Variants in BRINP3 observed in about 807,000 individuals in gnomAD.
BRINP3 encodes the protein BMP/retinoic acid-inducible neural-specific protein 3.
A neutral mutation model predicts 71.0 loss-of-function variants in BRINP3; 19 were observed. That is an observed-to-expected ratio of 0.27 (90% CI 0.19 to 0.39). BRINP3 has a LOEUF of 0.39. Among genes scored for constraint, BRINP3 ranks in the 10% least tolerant of loss-of-function variants. The pLI is 1.00. For missense variants in BRINP3, 959 were observed against 940.8 expected (o/e 1.02, Z -0.25); for synonymous variants, 380 against 337.7 (o/e 1.13, Z -1.37).
chr1:190,235,784 A>G (rs1658458153), intron 4 of BRINP3, among the ~76,000 whole-genome samples: 1 of 151,988 alleles, frequency 6.6e-6, no homozygotes, highest in Non-Finnish European at 1.5e-5. Context: ...CTTAAAGTGA[A>G]TACCCCAAAC....
chr1:190,240,872 C>CAA (rs71123078), intron 4 of BRINP3, among the ~76,000 whole-genome samples: 1,205 of 38,258 alleles, frequency 0.031, 215 homozygotes, highest in African/African-American at 0.12. Flanking sequence ...AACTCTGTCT[C>CAA]AAAAAAAAAA....
At chr1:190,341,703 C>G (rs1389748110) in intron 2 of BRINP3, among the ~76,000 whole-genome samples, 1 of 151,472 alleles carries the variant, frequency 6.6e-6, no homozygotes, top group Non-Finnish European at 1.5e-5. Context: ...GCAGAAATAT[C>G]AAAGTTCCAT....
intron 2 of BRINP3, among the ~76,000 whole-genome samples, chr1:190,305,523 C>T (rs1665033265): frequency 6.6e-6 from 1 of 151,286 alleles, no homozygotes; most frequent in Non-Finnish European, 1.5e-5. Flanking sequence ...CATTATCTCA[C>T]TAATATATGG....
intron 6 of BRINP3, among the ~76,000 whole-genome samples, chr1:190,172,351 C>G (rs892668602): frequency 2.0e-5 from 3 of 151,184 alleles, no homozygotes; most frequent in Non-Finnish European, 4.4e-5. Flanking sequence ...AAATTATTTA[C>G]CATATTTCTT....
intron 6 of BRINP3, among the ~76,000 whole-genome samples, chr1:190,191,284 T>G (rs997593720): frequency 6.6e-6 from 1 of 152,130 alleles, no homozygotes. Context: ...AGGCATTTTT[T>G]TTATTGCTTC....
chr1:190,326,533 C>A (rs1158146968), intron 2 of BRINP3, among the ~76,000 whole-genome samples: 3 of 151,938 alleles, frequency 2.0e-5, no homozygotes, highest in African/African-American at 7.2e-5. Flanking sequence ...AGAAAAAAAT[C>A]TTAAAAGCAG....
intron 2 of BRINP3, among the ~76,000 whole-genome samples, chr1:190,351,228 G>A (rs1284041687): frequency 6.6e-6 from 1 of 152,092 alleles, no homozygotes; most frequent in African/African-American, 2.4e-5. Context: ...ATGTGTGTGT[G>A]TGTGTTTTGC....
chr1:190,161,298 C>A (rs558279404), intron 6 of BRINP3, among the ~76,000 whole-genome samples: 5 of 151,424 alleles, frequency 3.3e-5, no homozygotes, highest in Non-Finnish European at 5.9e-5. Context: ...ATTTAAAAAC[C>A]TTTTCAGAAA....
chr1:190,216,269 T>C (rs1380112653), intron 6 of BRINP3, among the ~76,000 whole-genome samples: 1 of 151,790 alleles, frequency 6.6e-6, no homozygotes, highest in Non-Finnish European at 1.5e-5. Flanking sequence ...GTCTAATTAA[T>C]TGTAACACAT....
intron 7 of BRINP3, among the ~76,000 whole-genome samples, chr1:190,115,929 A>G (rs1653097266): frequency 6.6e-6 from 1 of 152,174 alleles, no homozygotes; most frequent in Non-Finnish European, 1.5e-5. Context: ...GAAAGAAAGC[A>G]AATGGATTAC....
chr1:190,269,341 A>G (rs993115158), intron 3 of BRINP3, among the ~76,000 whole-genome samples: 1 of 152,130 alleles, frequency 6.6e-6, no homozygotes, highest in African/African-American at 2.4e-5. Flanking sequence ...GTACTAGAGG[A>G]AAGTTCATGA....
At chr1:190,172,967 G>C (rs1239615458) in intron 6 of BRINP3, among the ~76,000 whole-genome samples, 1 of 152,118 alleles carries the variant, frequency 6.6e-6, no homozygotes, top group African/African-American at 2.4e-5. Flanking sequence ...ATTCATGACA[G>C]GGCTTTGAGA....
At chr1:190,386,168 C>G (rs1270899394) in intron 2 of BRINP3, among the ~76,000 whole-genome samples, 2 of 146,798 alleles carry the variant, frequency 1.4e-5, no homozygotes, top group Non-Finnish European at 1.5e-5. Flanking sequence ...CAGCATGGCA[C>G]ATGTATACAT....
intron 7 of BRINP3, among the ~76,000 whole-genome samples, chr1:190,127,199 TAA>T (rs1654155454): frequency 6.6e-6 from 1 of 151,778 alleles, no homozygotes; most frequent in East Asian, 1.9e-4. Context: ...ATTTCTGAAC[TAA>T]AGAGATGATT....
intron 6 of BRINP3, among the ~76,000 whole-genome samples, chr1:190,184,825 T>C (rs1653368590): frequency 6.6e-6 from 1 of 152,024 alleles, no homozygotes; most frequent in Non-Finnish European, 1.5e-5. Context: ...AATCATACCC[T>C]AACCTCAGCA....
At chr1:190,301,450 G>GA (rs1179271066) in intron 2 of BRINP3, among the ~76,000 whole-genome samples, 1 of 150,750 alleles carries the variant, frequency 6.6e-6, no homozygotes, top group African/African-American at 2.4e-5. Context: ...GTAGTGAAAA[G>GA]AAAAAGTTTT....
chr1:190,471,587 C>T (rs1337775050), intron 1 of BRINP3, among the ~76,000 whole-genome samples: 1 of 151,268 alleles, frequency 6.6e-6, no homozygotes, highest in African/African-American at 2.4e-5. Flanking sequence ...GGATGTCATC[C>T]TAATTAATTC....
Position 190,186,581 on chromosome 1 carries a change from G to A in BRINP3, c.962-25691C>T, listed in dbSNP as rs115370997. Reference sequence around the variant, plus strand: ...AAAGGTTCTTCTTGGTACTTTCACAGTATTCATTCATTCTGTTTCCTTTAC... The same window carrying A: ...AAAGGTTCTTCTTGGTACTTTCACAATATTCATTCATTCTGTTTCCTTTAC... On this transcript the variant is annotated intron_variant, in intron 6 of 7. Transcript: ENST00000367462. Among the ~76,000 whole-genome samples the A allele has an allele frequency of 5.4e-3, 815 of 152,266 alleles. 3 individuals carry two copies. Among genetic ancestry groups the A allele is most frequent in the African/African-American group, 0.019 (789 of 41,550 alleles).
chr1:190,371,844 CAGAG>C (rs755218441), intron 2 of BRINP3, among the ~76,000 whole-genome samples: 1 of 152,074 alleles, frequency 6.6e-6, no homozygotes, highest in Non-Finnish European at 1.5e-5. Flanking sequence ...TGAAGACATT[CAGAG>C]AGTCTCCGAC....
Sources: gnomAD v4.1 joint callset for allele counts (sites outside exome capture counted in the v4.1 genomes callset) on GRCh38, gnomAD v4.1.1 for gene constraint, MANE v1.5 for transcripts, NCBI Gene and HGNC (gene_info 2026-07-23, HGNC 2026-07-21) for gene names.